GLIS3: variants seen among roughly 807,000 people sequenced by gnomAD.
GLIS3 encodes the protein GLIS family zinc finger 3, also known as zinc finger protein GLIS3.
GLIS3 carries 53 observed loss-of-function variants against 78.6 expected under a neutral mutation model. The ratio of observed to expected loss-of-function variants is 0.67; its 90% confidence interval spans 0.54 to 0.85. The LOEUF is 0.85. Ranked by LOEUF, GLIS3 falls within the 40% of genes least tolerant of loss-of-function variation. The probability of loss-of-function intolerance (pLI) is 0.00; values close to 1 mark genes in which losing one functional copy is unlikely to be tolerated. For synonymous variants in GLIS3, 684 were observed against 509.9 expected, an observed-to-expected ratio of 1.34 and a Z score of -4.60; for missense variants, 1,703 against 1,231.1, an observed-to-expected ratio of 1.38 and a Z score of -5.74.
intron 2 of GLIS3, among the ~76,000 whole-genome samples, chr9:4,281,147 C>T (rs1039756217): frequency 6.6e-6 from 1 of 151,920 alleles, no homozygotes; most frequent in Non-Finnish European, 1.5e-5. Context: ...CTTAAACAAC[C>T]ACAAATACTA....
At chr9:4,223,279 C>G (rs754682137) in intron 2 of GLIS3, among the ~76,000 whole-genome samples, 1 of 152,224 alleles carries the variant, frequency 6.6e-6, no homozygotes, top group Non-Finnish European at 1.5e-5. Flanking sequence ...CTTACTACCA[C>G]TTCTACTGTG....
At chr9:4,048,222 G>T (rs929160973) in intron 4 of GLIS3, among the ~76,000 whole-genome samples, 1 of 152,130 alleles carries the variant, frequency 6.6e-6, no homozygotes, top group African/African-American at 2.4e-5. Context: ...TAAACATAAT[G>T]CAACATTTAA....
chr9:4,265,987 C>G (rs375255178), intron 2 of GLIS3, among the ~76,000 whole-genome samples: 54 of 151,118 alleles, frequency 3.6e-4, no homozygotes, highest in African/African-American at 1.3e-3. Flanking sequence ...GACATGATCT[C>G]GGCTCACTGC....
intron 2 of GLIS3, among the ~76,000 whole-genome samples, chr9:4,335,840 G>A (rs1817747988): frequency 6.6e-6 from 1 of 152,162 alleles, no homozygotes; most frequent in South Asian, 2.1e-4. Context: ...ACAGGATAAG[G>A]TGATTCTTCC....
At chr9:3,867,962 T>C (rs1820709248) in intron 8 of GLIS3, among the ~76,000 whole-genome samples, 1 of 152,176 alleles carries the variant, frequency 6.6e-6, no homozygotes, top group Non-Finnish European at 1.5e-5. Context: ...CATGATGACA[T>C]GGCACAAGGT....
chr9:4,188,223 T>C (rs915636960), intron 2 of GLIS3, among the ~76,000 whole-genome samples: 11 of 151,750 alleles, frequency 7.2e-5, no homozygotes, highest in Admixed American at 6.6e-5. Flanking sequence ...TTGAATTTTG[T>C]CAAAGGCCTT....
chr9:4,269,697 A>C (rs1826333092), intron 2 of GLIS3, among the ~76,000 whole-genome samples: 1 of 152,110 alleles, frequency 6.6e-6, no homozygotes, highest in South Asian at 2.1e-4. Flanking sequence ...TGTGTATTTC[A>C]GTTAGGAAAT....
chr9:3,966,436 C>CT lies in GLIS3; in HGVS notation c.1711-29248dup, dbSNP rs892102282. On this transcript the variant is annotated intron_variant, in intron 4 of 10. Transcript: ENST00000381971. Reference sequence around the variant, plus strand: ...AAATTTGACTTCAATGATGCAAAGCCTTTTTTTTTTCAGATAATGCTAATT... The same window carrying CT: ...AAATTTGACTTCAATGATGCAAAGCCTTTTTTTTTTTCAGATAATGCTAATT... 2.5e-3 allele frequency among the ~76,000 whole-genome samples: 378 copies of CT among 149,046 alleles called. 2 individuals are homozygous for CT. The highest frequency in any genetic ancestry group is 0.018 in the East Asian group (90 of 5,076).
chr9:4,258,782 A>G (rs568670021), intron 2 of GLIS3, among the ~76,000 whole-genome samples: 1 of 152,318 alleles, frequency 6.6e-6, no homozygotes, highest in Non-Finnish European at 1.5e-5. Flanking sequence ...TATATTTAAT[A>G]CTTTGAAGCT....
intron 6 of GLIS3, among the ~76,000 whole-genome samples, chr9:3,916,718 G>A (rs943990862): frequency 6.6e-6 from 1 of 151,972 alleles, no homozygotes; most frequent in Non-Finnish European, 1.5e-5. Context: ...ATGGCTTCCT[G>A]GTTGCCATGG....
At chr9:3,987,527 C>A (rs1432685382) in intron 4 of GLIS3, among the ~76,000 whole-genome samples, 1 of 151,444 alleles carries the variant, frequency 6.6e-6, no homozygotes, top group Non-Finnish European at 1.5e-5. Context: ...CATGGTGAAA[C>A]CCTGTCTCTA....
the GLIS3 span, among the ~76,000 whole-genome samples, chr9:4,458,137 C>T: frequency 6.6e-6 from 1 of 152,048 alleles, no homozygotes; most frequent in African/African-American, 2.4e-5. Flanking sequence ...TGATCTCTGC[C>T]CTCCTGTCAT....
At chr9:4,364,942 C>T in the GLIS3 span, among the ~76,000 whole-genome samples, 1 of 151,540 alleles carries the variant, frequency 6.6e-6, no homozygotes. Context: ...TGCTACTGCA[C>T]CTGGCATTTG....
chr9:4,031,889 G>C (rs749332466), intron 4 of GLIS3, among the ~76,000 whole-genome samples: 1 of 152,060 alleles, frequency 6.6e-6, no homozygotes, highest in Admixed American at 6.6e-5. Flanking sequence ...TTTTAAACCC[G>C]CATTTTTTCA....
chr9:4,000,284 C>T (rs947865685), intron 4 of GLIS3, among the ~76,000 whole-genome samples: 47 of 151,992 alleles, frequency 3.1e-4, no homozygotes, highest in African/African-American at 1.1e-3. Flanking sequence ...CAGGCAAAAC[C>T]AAACAATGTA....
intron 9 of GLIS3, among the ~76,000 whole-genome samples, chr9:3,831,383 C>A (rs1404916409): frequency 6.6e-6 from 1 of 152,158 alleles, no homozygotes; most frequent in East Asian, 1.9e-4. Flanking sequence ...TGTAAACTCT[C>A]AAGCCCACAA....
chr9:3,899,426 T>TAAA (rs34620814), intron 6 of GLIS3, among the ~76,000 whole-genome samples: 1 of 149,722 alleles, frequency 6.7e-6, no homozygotes, highest in African/African-American at 2.5e-5. Context: ...GAGTTACATG[T>TAAA]AAAAAAAAAA....
intron 4 of GLIS3, among the ~76,000 whole-genome samples, chr9:3,984,309 G>T (rs897106590): frequency 4.6e-5 from 7 of 152,200 alleles, no homozygotes; most frequent in Admixed American, 1.3e-4. Flanking sequence ...GCTATACCCC[G>T]CAAAGCCACG....
At chr9:4,109,312 G>A (rs558232175) in intron 4 of GLIS3, among the ~76,000 whole-genome samples, 2 of 152,274 alleles carry the variant, frequency 1.3e-5, no homozygotes, top group Admixed American at 1.3e-4. Context: ...TCATACACAG[G>A]ATAATGTATG....
Sources: gnomAD v4.1 joint callset for allele counts (sites outside exome capture counted in the v4.1 genomes callset) on GRCh38, gnomAD v4.1.1 for gene constraint, MANE v1.5 for transcripts, NCBI Gene and HGNC (gene_info 2026-07-23, HGNC 2026-07-21) for gene names.